Variants in ELP4 observed in about 807,000 individuals in gnomAD.
The protein encoded by ELP4 is elongator complex protein 4.
ELP4 carries 51 observed loss-of-function variants against 48.9 expected under a neutral mutation model. The observed-to-expected ratio is 1.04, with a 90% CI of 0.83 to 1.32. The LOEUF is 1.32. Ranked by LOEUF, ELP4 falls within the 40% of genes most tolerant of loss-of-function variation. ELP4 has a pLI of 0.00. For missense variants in ELP4, 519 were observed against 514.6 expected, an observed-to-expected ratio of 1.01 and a Z score of -0.08; for synonymous variants, 210 against 189.2, an observed-to-expected ratio of 1.11 and a Z score of -0.90.
intron 3 of ELP4, among the ~76,000 whole-genome samples, chr11:31,581,817 G>A (rs780130157): frequency 2.7e-5 from 4 of 150,146 alleles, no homozygotes; most frequent in Non-Finnish European, 5.9e-5. Context: ...GCACTGGTGT[G>A]ATCATGGCTT....
At chr11:31,527,531 A>G (rs1215606265) in intron 2 of ELP4, among the ~76,000 whole-genome samples, 2 of 152,070 alleles carry the variant, frequency 1.3e-5, no homozygotes, top group African/African-American at 4.8e-5. Context: ...CTAACAGGTG[A>G]CACATGCCAG....
intron 1 of ELP4, chr11:31,511,318 C>T (rs962372956): frequency 1.3e-5 from 2 of 151,978 alleles, no homozygotes; most frequent in African/African-American, 4.8e-5. Context: ...TATTTCTAGG[C>T]CTTATATATT....
chr11:31,564,611 G>A (rs949225211), intron 3 of ELP4, among the ~76,000 whole-genome samples: 4 of 152,060 alleles, frequency 2.6e-5, no homozygotes, highest in Admixed American at 6.6e-5. Context: ...TCCTACCTAT[G>A]AGTGAGAAAA....
chr11:31,687,826 C>A (rs923852143), intron 9 of ELP4: 1 of 152,084 alleles, frequency 6.6e-6, no homozygotes, highest in Admixed American at 6.5e-5. Flanking sequence ...TATAATTAAT[C>A]ATTCTATAAT....
chr11:31,566,230 C>T (rs762365644), intron 3 of ELP4, among the ~76,000 whole-genome samples: 3 of 152,020 alleles, frequency 2.0e-5, no homozygotes, highest in African/African-American at 7.3e-5. Flanking sequence ...TGGCAGTATG[C>T]ACCTGTAGTC....
rs534221666 is a variant in ELP4, at chr11:31,670,971, TA to T, written c.1143+20758del. On this transcript the variant is annotated intron_variant, in intron 9 of 9. Coordinates refer to ENST00000640961, the MANE Select transcript of ELP4 (RefSeq NM_019040.5). ...AATGTGTTTATCACTTAGGAAACAT[TA>T]AAAAAAAGTGGGTTAGTTATTTTGT... Among the ~76,000 whole-genome samples, 37 of 151,802 alleles carry T rather than the reference TA, an allele frequency of 2.4e-4. No homozygotes were observed. In the South Asian group the frequency reaches 4.6e-3, roughly 19 times the overall value.
intron 5 of ELP4, among the ~76,000 whole-genome samples, chr11:31,608,849 G>A (rs1006973846): frequency 3.3e-5 from 5 of 152,098 alleles, no homozygotes; most frequent in African/African-American, 1.2e-4. Flanking sequence ...AGATAAAGCC[G>A]AGTAGCTGGC....
intron 6 of ELP4, among the ~76,000 whole-genome samples, chr11:31,630,870 A>G (rs1565087736): frequency 1.3e-5 from 2 of 152,070 alleles, no homozygotes; most frequent in Admixed American, 6.6e-5. Context: ...ACTTGAGCCC[A>G]GGAGTTCGAG....
At chr11:31,755,526 C>T (rs994675811) in intron 9 of ELP4, among the ~76,000 whole-genome samples, 1 of 152,114 alleles carries the variant, frequency 6.6e-6, no homozygotes, top group African/African-American at 2.4e-5. Context: ...ATTTTTTTAG[C>T]AGTCTTGCCA....
At chr11:31,627,268 G>C in intron 6 of ELP4, 74 bp downstream of exon 6, 2 of 132,252 alleles carry the variant, frequency 1.5e-5, no homozygotes. Flanking sequence ...GGGGGGGGCG[G>C]GAACCCAGAA....
intron 4 of ELP4, among the ~76,000 whole-genome samples, chr11:31,601,020 T>G (rs1049037235): frequency 1.3e-5 from 2 of 152,164 alleles, no homozygotes; most frequent in African/African-American, 4.8e-5. Context: ...TGAACGTGAA[T>G]TAGAAGTTTT....
At chr11:31,670,685 G>T (rs557307643) in intron 9 of ELP4, among the ~76,000 whole-genome samples, 1 of 152,160 alleles carries the variant, frequency 6.6e-6, no homozygotes, top group African/African-American at 2.4e-5. Flanking sequence ...AGCAAAGGGA[G>T]GCTTTTGCGT....
chr11:31,529,608 G>C (rs1024755087), intron 2 of ELP4, among the ~76,000 whole-genome samples: 1 of 152,306 alleles, frequency 6.6e-6, no homozygotes, highest in Admixed American at 6.5e-5. Context: ...TGCAGGAAGA[G>C]AGTTATTGGG....
At chr11:31,749,843 G>A (rs991801156) in intron 9 of ELP4, among the ~76,000 whole-genome samples, 10 of 151,484 alleles carry the variant, frequency 6.6e-5, no homozygotes, top group Non-Finnish European at 1.5e-4. Flanking sequence ...CAGCATCTCT[G>A]AACCTTTATG....
chr11:31,727,919 C>T (rs1023392667), intron 9 of ELP4: 1 of 151,982 alleles, frequency 6.6e-6, no homozygotes, highest in Non-Finnish European at 1.5e-5. Flanking sequence ...GATTTGTTGG[C>T]AGAGATGATA....
chr11:31,653,175 T>C (rs1945359327), intron 9 of ELP4: 1 of 151,746 alleles, frequency 6.6e-6, no homozygotes, highest in Non-Finnish European at 1.5e-5. Context: ...CAAAGCTCTA[T>C]AAATTAGCCC....
intron 3 of ELP4, among the ~76,000 whole-genome samples, chr11:31,562,980 TG>T (rs1443960490): frequency 2.0e-5 from 3 of 152,176 alleles, no homozygotes; most frequent in Non-Finnish European, 2.9e-5. Flanking sequence ...ATTAAAATTA[TG>T]GCAATGAATC....
At chr11:31,691,563 A>C (rs1592227084) in intron 9 of ELP4, among the ~76,000 whole-genome samples, 1 of 152,100 alleles carries the variant, frequency 6.6e-6, no homozygotes, top group Non-Finnish European at 1.5e-5. Context: ...TCATTTATAA[A>C]GCCTCAGTTT....
At chr11:31,714,740 T>G in intron 9 of ELP4, 1 of 398,656 alleles carries the variant, frequency 2.5e-6, no homozygotes, top group Non-Finnish European at 4.4e-6. Flanking sequence ...ATTCCTTGGC[T>G]CATGGCTTCT....
Sources: gnomAD v4.1 joint callset for allele counts (sites outside exome capture counted in the v4.1 genomes callset) on GRCh38, gnomAD v4.1.1 for gene constraint, MANE v1.5 for transcripts, NCBI Gene and HGNC (gene_info 2026-07-23, HGNC 2026-07-21) for gene names.